The following NPSR1 variants were observed in gnomAD, a reference collection of about 807,000 sequenced individuals.
NPSR1 encodes the protein neuropeptide S receptor 1.
In NPSR1, 48 loss-of-function variants were observed where a neutral mutation model predicts 46.9. The ratio of observed to expected loss-of-function variants is 1.02; its 90% CI spans 0.81 to 1.30. The LOEUF is 1.30. Among genes scored for constraint, NPSR1 ranks in the 50% most tolerant of loss-of-function variants. NPSR1 has a pLI of 0.00. For synonymous variants in NPSR1, 176 were observed against 168.1 expected (o/e 1.05, Z -0.36); for missense variants, 450 against 449.5 (o/e 1.00, Z -0.01).
intron 6 of NPSR1, among the ~76,000 whole-genome samples, chr7:34,835,073 C>G (rs1790304278): frequency 6.6e-6 from 1 of 152,224 alleles, no homozygotes; most frequent in Non-Finnish European, 1.5e-5. Flanking sequence ...GCCTACCCTG[C>G]TTCCCAGGAA....
intron 1 of NPSR1, among the ~76,000 whole-genome samples, chr7:34,681,638 C>A (rs1006092229): frequency 3.9e-5 from 6 of 152,156 alleles, no homozygotes; most frequent in Admixed American, 3.9e-4. Context: ...GTGAGGCCAT[C>A]CCAGCCTCCA....
chr7:34,683,803 A>T (rs1177897095), intron 1 of NPSR1, among the ~76,000 whole-genome samples: 1 of 152,192 alleles, frequency 6.6e-6, no homozygotes, highest in Non-Finnish European at 1.5e-5. Flanking sequence ...AGCCTTCATG[A>T]CCTAGTCACT....
At chr7:34,720,689 G>C (rs140148241) in intron 2 of NPSR1, among the ~76,000 whole-genome samples, 1 of 152,012 alleles carries the variant, frequency 6.6e-6, no homozygotes, top group African/African-American at 2.4e-5. Flanking sequence ...AGGAGAAGAA[G>C]CCTTCCATTG....
intron 5 of NPSR1, among the ~76,000 whole-genome samples, chr7:34,833,150 C>T (rs187530588): frequency 2.0e-5 from 3 of 152,240 alleles, no homozygotes; most frequent in East Asian, 3.9e-4. Flanking sequence ...AGTGCTTTGT[C>T]GGCTACTGCA....
rs1788365710 is a variant in NPSR1, at chr7:34,799,494, A to G, written c.385-12276A>G. Among the ~76,000 whole-genome samples, 3 of 151,494 alleles carry G rather than the reference A, an allele frequency of 2.0e-5. No individual in the cohort carries two copies. In the South Asian group the frequency reaches 6.3e-4, roughly 32 times the overall value. ...ATCATAAGTGAAGGAGAAATAAAAT[A>G]TTTTACAGACAAGCAAATGCTGAGA... On this transcript the variant is annotated intron_variant, in intron 3 of 8. Coordinates refer to ENST00000360581, the MANE Select transcript of NPSR1 (RefSeq NM_207172.2).
intron 2 of NPSR1, chr7:34,750,733 G>A: frequency 1.4e-6 from 1 of 697,788 alleles, no homozygotes; most frequent in Admixed American, 1.8e-5. Context: ...CAAGCATCTT[G>A]CAAGGGCCTT....
At chr7:34,696,659 T>G (rs979221476) in intron 2 of NPSR1, among the ~76,000 whole-genome samples, 1 of 151,802 alleles carries the variant, frequency 6.6e-6, no homozygotes, top group African/African-American at 2.4e-5. Flanking sequence ...ATAATTAGAT[T>G]GAAGCATGAA....
intron 5 of NPSR1, among the ~76,000 whole-genome samples, chr7:34,832,238 A>T (rs1054116489): frequency 6.6e-6 from 1 of 152,244 alleles, no homozygotes; most frequent in Non-Finnish European, 1.5e-5. Context: ...TAAAGGAAAA[A>T]GGAAAAGAGA....
At chr7:34,859,775 T>C (rs1350650593) in intron 8 of NPSR1, among the ~76,000 whole-genome samples, 1 of 151,848 alleles carries the variant, frequency 6.6e-6, no homozygotes, top group African/African-American at 2.4e-5. Context: ...TACTGGGTTC[T>C]GGGTAGAACA....
At chr7:34,701,432 T>G (rs1793824743) in intron 2 of NPSR1, among the ~76,000 whole-genome samples, 1 of 152,242 alleles carries the variant, frequency 6.6e-6, no homozygotes, top group African/African-American at 2.4e-5. Flanking sequence ...CAGAATCATT[T>G]ACTCCACCCT....
At chr7:34,718,369 G>C (rs1300670406) in intron 2 of NPSR1, among the ~76,000 whole-genome samples, 1 of 152,188 alleles carries the variant, frequency 6.6e-6, no homozygotes, top group Non-Finnish European at 1.5e-5. Context: ...ACACAAGAGA[G>C]AATGAGAATG....
At chr7:34,868,536 C>A (rs1791375118) in intron 8 of NPSR1, among the ~76,000 whole-genome samples, 1 of 151,628 alleles carries the variant, frequency 6.6e-6, no homozygotes, top group Non-Finnish European at 1.5e-5. Flanking sequence ...GCAGGATGCA[C>A]CACTAGGCAC....
chr7:34,765,001 G>C (rs1332479285), intron 2 of NPSR1, among the ~76,000 whole-genome samples: 1 of 152,112 alleles, frequency 6.6e-6, no homozygotes, highest in African/African-American at 2.4e-5. Context: ...TGAAAGCAGA[G>C]AGTGGGGCAT....
chr7:34,856,918 G>A (rs1584148518), intron 8 of NPSR1, among the ~76,000 whole-genome samples: 2 of 151,356 alleles, frequency 1.3e-5, no homozygotes, highest in South Asian at 4.2e-4. Flanking sequence ...GATGGGGGGG[G>A]AAATCTCTTC....
chr7:34,849,305 T>G (rs1790855364), intron 8 of NPSR1: 1 of 1,505,962 alleles, frequency 6.6e-7, no homozygotes, highest in African/African-American at 1.4e-5. Flanking sequence ...AACCTCAGCT[T>G]CTTCATCTGT....
At chr7:34,808,883 C>T (rs957696681) in intron 3 of NPSR1, among the ~76,000 whole-genome samples, 2 of 152,026 alleles carry the variant, frequency 1.3e-5, no homozygotes, top group Non-Finnish European at 2.9e-5. Flanking sequence ...TTTTTTTACC[C>T]TGCCTTAAAT....
At position 34,677,894 on chromosome 7, in the gene NPSR1, G is replaced by A. The variant is rs554502669; in HGVS notation, c.148-6658G>A. 2.0e-4 allele frequency among the ~76,000 whole-genome samples: 31 copies of A among 152,310 alleles called. 1 individual carries two copies. The South Asian group carries it at 6.0e-3, about 30-fold the overall frequency. ...GTGGACAGCTGGCTAAGTAAAACTT[G>A]GGCGAGGCCATGGATGGTGCCAGTG... is the stretch of plus-strand genomic sequence containing the variant. On this transcript the variant is annotated intron_variant, in intron 1 of 8. Transcript: ENST00000360581.
At chr7:34,732,923 T>C (rs909890771) in intron 2 of NPSR1, among the ~76,000 whole-genome samples, 1 of 152,122 alleles carries the variant, frequency 6.6e-6, no homozygotes, top group Non-Finnish European at 1.5e-5. Flanking sequence ...AAAAGAGAGT[T>C]CTGGATAAAT....
At chr7:34,851,979 G>A (rs938887927), downstream of NPSR1, among the ~76,000 whole-genome samples, 1 of 152,148 alleles carries the variant, frequency 6.6e-6, no homozygotes, top group African/African-American at 2.4e-5. Context: ...TGAGCTTGGA[G>A]AAACATGATT....
Sources: gnomAD v4.1 joint callset for allele counts (sites outside exome capture counted in the v4.1 genomes callset) on GRCh38, gnomAD v4.1.1 for gene constraint, MANE v1.5 for transcripts, NCBI Gene and HGNC (gene_info 2026-07-23, HGNC 2026-07-21) for gene names.